DNAH6: variants seen among roughly 807,000 people sequenced by gnomAD.
DNAH6 encodes the protein axonemal beta dynein heavy chain 6.
DNAH6 carries 340 observed loss-of-function variants against 491.4 expected under a neutral mutation model. The ratio of observed to expected loss-of-function variants is 0.69; its 90% CI spans 0.63 to 0.76. The LOEUF is 0.76. Ranked by LOEUF, DNAH6 falls within the 30% of genes least tolerant of loss-of-function variation. The probability of loss-of-function intolerance (pLI) is 0.00; values close to 1 mark genes in which losing one functional copy is unlikely to be tolerated. For missense variants in DNAH6, 4,443 were observed against 4,972.2 expected, an observed-to-expected ratio of 0.89 and a Z score of 3.20; for synonymous variants, 1,603 against 1,686.1, an observed-to-expected ratio of 0.95 and a Z score of 1.21.
chr2:84,543,865 C>G (rs1441060066), intron 4 of DNAH6, among the ~76,000 whole-genome samples: 2 of 152,010 alleles, frequency 1.3e-5, no homozygotes, highest in African/African-American at 4.8e-5. Context: ...CTTAATAGTG[C>G]CAAATTCTTT....
At chr2:84,573,420 C>T (rs760843123) in intron 11 of DNAH6, 47 bp from the exon 12 acceptor site, 1 of 1,510,364 alleles carries the variant, frequency 6.6e-7, no homozygotes, top group Non-Finnish European at 8.9e-7. Flanking sequence ...TTAAATTCTG[C>T]TTAACAAAAA....
chr2:84,505,168 A>G, the DNAH6 span, among the ~76,000 whole-genome samples: 1 of 152,220 alleles, frequency 6.6e-6, no homozygotes, highest in African/African-American at 2.4e-5. Context: ...TTGCAAGTAC[A>G]TAGGAATACA....
chr2:84,819,107 C>G (rs1680784651), intron 76 of DNAH6, among the ~76,000 whole-genome samples, 198 bp from the exon 77 acceptor site: 1 of 152,032 alleles, frequency 6.6e-6, no homozygotes, highest in East Asian at 1.9e-4. Flanking sequence ...CTAAGCTGGA[C>G]AAGTCCTAAA....
chr2:84,502,163 A>G, the DNAH6 span, among the ~76,000 whole-genome samples: 2 of 152,134 alleles, frequency 1.3e-5, no homozygotes, highest in African/African-American at 2.4e-5. Context: ...ACTTATAGCT[A>G]TAAACGTCCC....
At chr2:84,692,072 A>G (rs1694914304) in intron 45 of DNAH6, among the ~76,000 whole-genome samples, 1 of 152,246 alleles carries the variant, frequency 6.6e-6, no homozygotes, top group Non-Finnish European at 1.5e-5. Flanking sequence ...GACTTTTTAA[A>G]TAAGTCCTCG....
chr2:84,713,318 T>C, intron 57 of DNAH6, 59 bp downstream of exon 57: 1 of 1,508,488 alleles, frequency 6.6e-7, no homozygotes. Flanking sequence ...GTAATGAATC[T>C]CTGAAGTTTG....
In DNAH6 at chr2:84,547,559, C is replaced by CT; in HGVS notation, c.1136dup (p.Leu379PhefsTer9). On this transcript the variant is annotated frameshift_variant, in exon 7 of 77. Transcript: ENST00000389394. LOFTEE classifies it high-confidence loss of function. ...GTAGTCAGGAGGGCTTGTCGATTTG[C>CT]TTTGCGTGCTGCAGGATTTGTTCCT... The CT allele has an allele frequency of 6.4e-7, 1 of 1,551,836 alleles. No homozygotes were observed. Among genetic ancestry groups the CT allele is most frequent in the Non-Finnish European group, 8.7e-7 (1 of 1,146,984 alleles).
chr2:84,471,699 T>C, the DNAH6 span, among the ~76,000 whole-genome samples: 1 of 152,180 alleles, frequency 6.6e-6, no homozygotes, highest in Non-Finnish European at 1.5e-5. Context: ...CTTGAGGGCA[T>C]CCACGTGGTT....
chr2:84,519,085 A>T (rs1675887392), intron 2 of DNAH6, among the ~76,000 whole-genome samples: 1 of 151,966 alleles, frequency 6.6e-6, no homozygotes, highest in African/African-American at 2.4e-5. Flanking sequence ...TATGGTAGAG[A>T]CTCAGAAGAG....
chr2:84,529,096 C>G lies in DNAH6; in HGVS notation c.592C>G (p.His198Asp). The G allele has an allele frequency of 1.3e-6, 2 of 1,550,738 alleles. No homozygotes were observed. The highest frequency in any genetic ancestry group is 1.7e-6 in the Non-Finnish European group (2 of 1,146,396). ...CATTAAAATAATACGTGAAAATGAA[C>G]ATCTTGGATTTCTTTATATGATCCC... The part of the protein sequence containing the change: ...QIIKIIRENE[H>D]LGFLYMIPAV... Residue 198 changes from histidine (H) to aspartate (D), a missense_variant, in exon 4 of 77, where the codon CAT becomes GAT. Around this residue, in one of 3 missense-constraint regions of DNAH6, gnomAD observed 2,977 missense variants for 3,296.6 expected, o/e 0.90. Transcript: ENST00000389394.
intron 59 of DNAH6, among the ~76,000 whole-genome samples, chr2:84,720,564 C>T (rs1698041641): frequency 6.6e-6 from 1 of 152,022 alleles, no homozygotes. Flanking sequence ...AGGCGTGAGC[C>T]ACCGCGCCCG....
intron 4 of DNAH6, among the ~76,000 whole-genome samples, chr2:84,533,692 A>G (rs1214651639): frequency 6.6e-6 from 1 of 152,192 alleles, no homozygotes; most frequent in Non-Finnish European, 1.5e-5. Flanking sequence ...ATCCAAATTT[A>G]ACCAAAGAGC....
At chr2:84,793,383 T>C (rs559346491) in intron 68 of DNAH6, among the ~76,000 whole-genome samples, 7 of 152,340 alleles carry the variant, frequency 4.6e-5, no homozygotes, top group African/African-American at 1.4e-4. Context: ...CAAATCTGGA[T>C]GGAGAAGCGC....
the DNAH6 span, among the ~76,000 whole-genome samples, chr2:84,474,482 T>C: frequency 6.0e-4 from 91 of 152,360 alleles, 1 homozygote; most frequent in Non-Finnish European, 1.2e-3. Context: ...GTTTGTCCTA[T>C]TAACTCTAAA....
chr2:84,591,552 C>T (rs1331083765), intron 16 of DNAH6, among the ~76,000 whole-genome samples: 1 of 152,090 alleles, frequency 6.6e-6, no homozygotes, highest in Non-Finnish European at 1.5e-5. Flanking sequence ...CTTATACATT[C>T]AATGCAATCC....
intron 70 of DNAH6, 85 bp from the exon 71 acceptor site, chr2:84,805,580 T>A: frequency 1.6e-6 from 2 of 1,276,444 alleles, no homozygotes; most frequent in Non-Finnish European, 2.1e-6. Flanking sequence ...GAACTGCCTT[T>A]ACTTTTGTAA....
At chr2:84,634,778 C>T in intron 30 of DNAH6, 137 bp downstream of exon 30, 1 of 1,025,810 alleles carries the variant, frequency 9.7e-7, no homozygotes, top group Non-Finnish European at 1.3e-6. Flanking sequence ...CCTTGGCTCT[C>T]CAGAGCTCAC....
At chr2:84,737,763 T>C (rs1699639370) in intron 62 of DNAH6, among the ~76,000 whole-genome samples, 1 of 152,112 alleles carries the variant, frequency 6.6e-6, no homozygotes, top group Non-Finnish European at 1.5e-5. Flanking sequence ...ATCTTGTTTA[T>C]CCTTTCGAGA....
At chr2:84,553,161 A>C (rs1679570912) in intron 10 of DNAH6, 127 bp downstream of exon 10, 1 of 629,822 alleles carries the variant, frequency 1.6e-6, no homozygotes, top group Non-Finnish European at 2.8e-6. Flanking sequence ...GAAAGAGAGA[A>C]AGCATTGTTT....
Sources: gnomAD v4.1 joint callset for allele counts (sites outside exome capture counted in the v4.1 genomes callset) on GRCh38, gnomAD v4.1.1 for gene constraint, gnomAD v4.1.1 regional missense constraint, MANE v1.5 for transcripts, NCBI Gene and HGNC (gene_info 2026-07-23, HGNC 2026-07-21) for gene names.